BNC2: variants seen among roughly 807,000 people sequenced by gnomAD.
BNC2 encodes the protein basonuclin zinc finger protein 2, also known as zinc finger protein basonuclin-2.
A neutral mutation model predicts 76.3 loss-of-function variants in BNC2; 20 were observed. The ratio of observed to expected loss-of-function variants is 0.26; its 90% confidence interval spans 0.18 to 0.38. BNC2 has a LOEUF of 0.38. BNC2 is among the 10% of genes least tolerant of loss of function. BNC2 has a pLI of 1.00. For synonymous variants in BNC2, 582 were observed against 514.8 expected, an observed-to-expected ratio of 1.13 and a Z score of -1.77; for missense variants, 1,382 against 1,399.8, an observed-to-expected ratio of 0.99 and a Z score of 0.20.
intron 1 of BNC2, among the ~76,000 whole-genome samples, chr9:16,765,911 G>C (rs1022889927): frequency 6.0e-4 from 91 of 151,644 alleles, no homozygotes; most frequent in African/African-American, 2.1e-3. Context: ...CTCAGCCTCC[G>C]GAGTAGCTGG....
chr9:16,716,193 A>G (rs935069693), intron 3 of BNC2, among the ~76,000 whole-genome samples: 3 of 152,206 alleles, frequency 2.0e-5, no homozygotes, highest in African/African-American at 7.2e-5. Context: ...ACTTAAGTGA[A>G]AATGTACTGT....
chr9:16,504,463 G>C (rs1822584729), intron 5 of BNC2, among the ~76,000 whole-genome samples: 1 of 151,852 alleles, frequency 6.6e-6, no homozygotes, highest in Non-Finnish European at 1.5e-5. Flanking sequence ...TCCCAAAATA[G>C]ACTGGTTAAT....
chr9:16,724,690 T>G (rs1321163728), intron 3 of BNC2, among the ~76,000 whole-genome samples: 1 of 152,130 alleles, frequency 6.6e-6, no homozygotes, highest in East Asian at 1.9e-4. Flanking sequence ...AGATGTACAT[T>G]TAAGCAGATC....
chr9:16,489,620 G>GA (rs1678418815), intron 5 of BNC2, among the ~76,000 whole-genome samples: 1 of 152,110 alleles, frequency 6.6e-6, no homozygotes, highest in South Asian at 2.1e-4. Flanking sequence ...ATCCTAAGGA[G>GA]AAAAAACACA....
chr9:16,691,756 G>A (rs1823177584), intron 3 of BNC2, among the ~76,000 whole-genome samples: 2 of 150,162 alleles, frequency 1.3e-5, no homozygotes, highest in South Asian at 2.1e-4. Context: ...TGATATGCCC[G>A]CCTCGGCCTC....
At chr9:16,696,445 T>C (rs887569626) in intron 3 of BNC2, among the ~76,000 whole-genome samples, 2 of 152,178 alleles carry the variant, frequency 1.3e-5, no homozygotes, top group African/African-American at 4.8e-5. Flanking sequence ...TTTGAAAATG[T>C]CCCTATTTCC....
intron 1 of BNC2, among the ~76,000 whole-genome samples, chr9:16,750,216 TG>T (rs1478216159): frequency 2.6e-5 from 4 of 152,228 alleles, no homozygotes; most frequent in Admixed American, 2.6e-4. Context: ...GATTTCTAGT[TG>T]GAAAAAATGG....
intron 3 of BNC2, among the ~76,000 whole-genome samples, chr9:16,677,161 A>G (rs952626252): frequency 2.0e-5 from 3 of 152,230 alleles, no homozygotes; most frequent in African/African-American, 7.2e-5. Flanking sequence ...TGCATTCACT[A>G]TTAGCCAAAA....
intron 1 of BNC2, among the ~76,000 whole-genome samples, chr9:16,765,847 C>T (rs924374510): frequency 1.5e-4 from 22 of 150,944 alleles, no homozygotes; most frequent in Admixed American, 2.6e-4. Flanking sequence ...AGTGCAGTGG[C>T]ACGATCTCGG....
chr9:16,593,295 T>C (rs1290990521), intron 3 of BNC2, among the ~76,000 whole-genome samples: 1 of 152,054 alleles, frequency 6.6e-6, no homozygotes, highest in Non-Finnish European at 1.5e-5. Flanking sequence ...TGTGAATATA[T>C]AAATACAAAC....
At chr9:16,573,933 G>A (rs1476480535) in intron 4 of BNC2, among the ~76,000 whole-genome samples, 1 of 152,320 alleles carries the variant, frequency 6.6e-6, no homozygotes, top group Admixed American at 6.5e-5. Context: ...ACAATTCAGA[G>A]TTATCTTTGA....
intron 3 of BNC2, among the ~76,000 whole-genome samples, chr9:16,613,500 T>G (rs985682758): frequency 6.6e-6 from 1 of 152,208 alleles, no homozygotes; most frequent in South Asian, 2.1e-4. Context: ...ATTACTGCTG[T>G]GCAGGCTTCT....
intron 5 of BNC2, among the ~76,000 whole-genome samples, chr9:16,522,164 CAGG>C (rs1817640493): frequency 6.6e-6 from 1 of 152,174 alleles, no homozygotes; most frequent in Non-Finnish European, 1.5e-5. Flanking sequence ...AAAAGGGGGG[CAGG>C]AGGAGAGGGG....
At chr9:16,581,500 G>A (rs945793864) in intron 4 of BNC2, among the ~76,000 whole-genome samples, 3 of 152,196 alleles carry the variant, frequency 2.0e-5, no homozygotes, top group Admixed American at 6.5e-5. Flanking sequence ...GGAGGTTGCA[G>A]ACACCAGGGC....
intron 3 of BNC2, among the ~76,000 whole-genome samples, chr9:16,703,812 C>G (rs1334907413): frequency 6.6e-6 from 1 of 151,790 alleles, no homozygotes; most frequent in African/African-American, 2.4e-5. Flanking sequence ...ACATGACTTT[C>G]TGACTGATAA....
chr9:16,637,084 C>T (rs892691051), intron 3 of BNC2, among the ~76,000 whole-genome samples: 2 of 151,550 alleles, frequency 1.3e-5, no homozygotes, highest in Non-Finnish European at 2.9e-5. Context: ...TAGAAAGAGG[C>T]AATTTTTTTT....
intron 5 of BNC2, among the ~76,000 whole-genome samples, chr9:16,530,634 G>C (rs1488614860): frequency 6.6e-6 from 1 of 152,210 alleles, no homozygotes; most frequent in East Asian, 1.9e-4. Context: ...AGAAATATCT[G>C]CATTAACTTT....
intron 5 of BNC2, among the ~76,000 whole-genome samples, chr9:16,529,853 T>TA (rs1378722750): frequency 6.6e-6 from 1 of 152,096 alleles, no homozygotes; most frequent in African/African-American, 2.4e-5. Flanking sequence ...TAGTTTTATT[T>TA]TTTATTTATT....
intron 1 of BNC2, among the ~76,000 whole-genome samples, chr9:16,854,252 G>A (rs547674490): frequency 6.6e-6 from 1 of 152,300 alleles, no homozygotes; most frequent in Admixed American, 6.5e-5. Flanking sequence ...TGAAATTAAA[G>A]GTACAGCTTT....
Sources: allele counts gnomAD v4.1 joint callset (sites outside exome capture counted in the v4.1 genomes callset), GRCh38; gene constraint gnomAD v4.1.1; transcripts MANE v1.5; gene names NCBI Gene and HGNC (gene_info 2026-07-23, HGNC 2026-07-21).